GABBR2: variants seen among roughly 807,000 people sequenced by gnomAD.
The protein encoded by GABBR2 is gamma-aminobutyric acid type B receptor subunit 2.
In GABBR2, 23 loss-of-function variants were observed where a neutral mutation model predicts 105.6. That is an observed-to-expected ratio of 0.22 (90% confidence interval 0.16 to 0.31). The LOEUF (loss-of-function observed/expected upper bound fraction) is 0.31, where lower values mean the gene tolerates loss of function less well. Ranked by LOEUF, GABBR2 falls within the 10% of genes least tolerant of loss-of-function variation. GABBR2 has a pLI of 1.00. For missense variants in GABBR2, 734 were observed against 1,245.5 expected (o/e 0.59, Z 6.18); for synonymous variants, 478 against 499.7 (o/e 0.96, Z 0.58).
chr9:98,632,127 AG>A (rs1377820518), intron 1 of GABBR2, among the ~76,000 whole-genome samples: 1 of 152,166 alleles, frequency 6.6e-6, no homozygotes, highest in Non-Finnish European at 1.5e-5. Context: ...TGTTCTCTGA[AG>A]CAAGACTGGG....
Position 98,400,029 on chromosome 9 carries a change from A to C in GABBR2, c.1298-5774T>G, listed in dbSNP as rs12352359. ...CCCACCTCCATGAAAAAAAAAAAAA[A>C]AAAAACCTAGCCAGGCATGGTGGTG... On this transcript the variant is annotated intron_variant, in intron 8 of 18. Transcript: ENST00000259455. 4.4e-3 allele frequency among the ~76,000 whole-genome samples: 653 copies of C among 149,536 alleles called. 4 individuals are homozygous for C. Among genetic ancestry groups the C allele is most frequent in the African/African-American group, 0.015 (597 of 39,980 alleles).
intron 11 of GABBR2, among the ~76,000 whole-genome samples, chr9:98,372,074 A>G (rs1235251112): frequency 6.6e-6 from 1 of 152,220 alleles, no homozygotes; most frequent in Admixed American, 6.5e-5. Context: ...GTCCCTGCTC[A>G]GGACTGAGGC....
At chr9:98,511,792 G>C (rs1827649999) in intron 3 of GABBR2, among the ~76,000 whole-genome samples, 1 of 152,050 alleles carries the variant, frequency 6.6e-6, no homozygotes, top group African/African-American at 2.4e-5. Flanking sequence ...AAAATTCCAG[G>C]ACCAGATGGA....
At chr9:98,298,221 T>C (rs1180977007) in intron 17 of GABBR2, among the ~76,000 whole-genome samples, 1 of 152,174 alleles carries the variant, frequency 6.6e-6, no homozygotes, top group Non-Finnish European at 1.5e-5. Context: ...TAATGTTGGC[T>C]TTCATCTTGC....
At chr9:98,704,526 G>A (rs1371068096) in intron 1 of GABBR2, among the ~76,000 whole-genome samples, 2 of 152,150 alleles carry the variant, frequency 1.3e-5, no homozygotes, top group Non-Finnish European at 2.9e-5. Context: ...TTACAAGGAG[G>A]ATTTGAGGAC....
At chr9:98,322,604 ACC>A (rs5899338) in intron 13 of GABBR2, among the ~76,000 whole-genome samples, 2 of 144,536 alleles carry the variant, frequency 1.4e-5, no homozygotes, top group Admixed American at 1.4e-4. Flanking sequence ...CCATGATCTG[ACC>A]CCCCCATACC....
chr9:98,363,227 C>A (rs1831618856), intron 12 of GABBR2, among the ~76,000 whole-genome samples: 1 of 152,108 alleles, frequency 6.6e-6, no homozygotes, highest in African/African-American at 2.4e-5. Context: ...TCCATGAAGT[C>A]CTCTCTAACT....
intron 11 of GABBR2, among the ~76,000 whole-genome samples, chr9:98,379,926 T>C (rs1831942243): frequency 6.6e-6 from 1 of 152,166 alleles, no homozygotes; most frequent in South Asian, 2.1e-4. Context: ...TTTGGTAATA[T>C]TGGCTGGGAT....
chr9:98,594,399 C>T (rs988520357), intron 1 of GABBR2, among the ~76,000 whole-genome samples: 2 of 152,332 alleles, frequency 1.3e-5, no homozygotes, highest in African/African-American at 4.8e-5. Flanking sequence ...TGAGGCCTCT[C>T]CCTGCCTAGG....
At chr9:98,583,491 T>A (rs115619937) in intron 1 of GABBR2, among the ~76,000 whole-genome samples, 1 of 152,252 alleles carries the variant, frequency 6.6e-6, no homozygotes, top group Non-Finnish European at 1.5e-5. Flanking sequence ...GAACACTTAA[T>A]TTTAAAGCAG....
chr9:98,650,476 G>A (rs946932225), intron 1 of GABBR2, among the ~76,000 whole-genome samples: 3 of 152,110 alleles, frequency 2.0e-5, no homozygotes. Context: ...CAGCCCCAAA[G>A]CTAATGAGGT....
intron 4 of GABBR2, among the ~76,000 whole-genome samples, chr9:98,490,266 G>A (rs1218970497): frequency 1.3e-5 from 2 of 152,012 alleles, no homozygotes; most frequent in African/African-American, 4.8e-5. Context: ...AAAAAAAAGG[G>A]TCACAACTAG....
chr9:98,656,374 T>G (rs1830183232), intron 1 of GABBR2, among the ~76,000 whole-genome samples: 1 of 152,056 alleles, frequency 6.6e-6, no homozygotes, highest in Non-Finnish European at 1.5e-5. Context: ...TGCAGTCACA[T>G]CTGACAGGCC....
chr9:98,642,661 T>C (rs1391290836), intron 1 of GABBR2, among the ~76,000 whole-genome samples: 2 of 152,198 alleles, frequency 1.3e-5, no homozygotes, highest in Admixed American at 1.3e-4. Flanking sequence ...TTAGCACATC[T>C]TGAGCAGGAA....
intron 2 of GABBR2, among the ~76,000 whole-genome samples, chr9:98,557,979 C>A (rs1828613314): frequency 6.6e-6 from 1 of 152,140 alleles, no homozygotes; most frequent in Non-Finnish European, 1.5e-5. Flanking sequence ...GTCTCCTACC[C>A]AAATCTCTAT....
At chr9:98,314,956 A>T (rs1164743498) in intron 13 of GABBR2, among the ~76,000 whole-genome samples, 1 of 152,158 alleles carries the variant, frequency 6.6e-6, no homozygotes, top group East Asian at 1.9e-4. Flanking sequence ...TTGGCTTTCT[A>T]TATAATCTTC....
chr9:98,357,672 A>C lies in GABBR2; in HGVS notation c.1893+5043T>G, dbSNP rs142891835. On this transcript the variant is annotated intron_variant, in intron 13 of 18. Transcript: ENST00000259455. ...AAAACAAAACAGACAAACAAACAAA[A>C]AACAACAACAAAAAAAAAAACCCCA... Among the ~76,000 whole-genome samples, 607 of 61,784 alleles carry C rather than the reference A, an allele frequency of 9.8e-3. 2 individuals carry two copies. Among genetic ancestry groups the C allele is most frequent in the African/African-American group, 0.025 (485 of 19,750 alleles). 40.5% of individuals were successfully genotyped at this position (61,784 alleles called of 152,430 possible).
At chr9:98,528,951 CAAGTAT>C (rs144911979) in intron 3 of GABBR2, among the ~76,000 whole-genome samples, 5,177 of 152,164 alleles carry the variant, frequency 0.034, 313 homozygotes, top group African/African-American at 0.12. Context: ...CACAAAAGTA[CAAGTAT>C]GAGTTTACTG....
chr9:98,339,067 T>C (rs1375245921), intron 13 of GABBR2, among the ~76,000 whole-genome samples: 2 of 151,952 alleles, frequency 1.3e-5, no homozygotes, highest in African/African-American at 2.4e-5. Flanking sequence ...ATGTCCACAA[T>C]AGACAAATCC....
Sources: gnomAD v4.1 joint callset for allele counts (sites outside exome capture counted in the v4.1 genomes callset) on GRCh38, gnomAD v4.1.1 for gene constraint, MANE v1.5 for transcripts, NCBI Gene and HGNC (gene_info 2026-07-23, HGNC 2026-07-21) for gene names.